Variants in SLC4A5 observed in about 807,000 individuals in gnomAD.
SLC4A5 encodes the protein solute carrier family 4 member 5, also known as electrogenic sodium bicarbonate cotransporter 4.
A neutral mutation model predicts 120.4 loss-of-function variants in SLC4A5; 96 were observed. The ratio of observed to expected loss-of-function variants is 0.80; its 90% CI spans 0.68 to 0.94. The LOEUF is 0.94. SLC4A5 is among the 40% of genes least tolerant of loss of function. The pLI is 0.00. For synonymous variants in SLC4A5, 550 were observed against 571.1 expected, an observed-to-expected ratio of 0.96 and a Z score of 0.53; for missense variants, 1,259 against 1,459.5, an observed-to-expected ratio of 0.86 and a Z score of 2.24.
chr2:74,324,217 T>C (rs1340801447), intron 5 of SLC4A5, among the ~76,000 whole-genome samples: 1 of 152,196 alleles, frequency 6.6e-6, no homozygotes, highest in East Asian at 1.9e-4. Flanking sequence ...TTTAAGGCAG[T>C]GGTTCTCAAA....
chr2:74,280,234 C>G (rs1573056571), intron 8 of SLC4A5, among the ~76,000 whole-genome samples: 2 of 152,126 alleles, frequency 1.3e-5, no homozygotes, highest in Admixed American at 6.5e-5. Flanking sequence ...CCTCTTCCCC[C>G]TTCCCTACCC....
intron 21 of SLC4A5, among the ~76,000 whole-genome samples, chr2:74,238,624 CT>C (rs2103939441): frequency 6.6e-6 from 1 of 152,208 alleles, no homozygotes; most frequent in East Asian, 1.9e-4. Flanking sequence ...AAAGAATAGT[CT>C]TTAAAAAATA....
At chr2:74,327,644 T>C (rs943159926) in intron 5 of SLC4A5, among the ~76,000 whole-genome samples, 2 of 152,230 alleles carry the variant, frequency 1.3e-5, no homozygotes, top group Non-Finnish European at 2.9e-5. Context: ...TTATTCTGTT[T>C]CTATCCTGAG....
intron 19 of SLC4A5, 145 bp downstream of exon 19, chr2:74,246,891 C>A: frequency 9.2e-7 from 1 of 1,091,024 alleles, no homozygotes; most frequent in Non-Finnish European, 1.3e-6. Flanking sequence ...ACACTGGGTT[C>A]AAGACCCTGT....
At chr2:74,217,410 CAAAT>C (rs1050791746) in exon 31 of SLC4A5, 8 of 152,038 alleles carry the variant, frequency 5.3e-5, no homozygotes, top group African/African-American at 1.9e-4. Context: ...TTTATCTTCC[CAAAT>C]AGTTTTCAAT....
intron 7 of SLC4A5, among the ~76,000 whole-genome samples, chr2:74,293,276 G>C (rs1558899104): frequency 6.6e-6 from 1 of 152,198 alleles, no homozygotes; most frequent in Admixed American, 6.5e-5. Context: ...GAGAGGAAGA[G>C]GAGAGAATCT....
intron 28 of SLC4A5, 94 bp from the exon 29 acceptor site, chr2:74,223,046 C>T: frequency 4.9e-6 from 4 of 812,140 alleles, no homozygotes; most frequent in Non-Finnish European, 5.7e-6. Context: ...GCTCTACTGC[C>T]CAGGCTGGAG....
At chr2:74,243,106 T>A (rs1396268768) in intron 19 of SLC4A5, among the ~76,000 whole-genome samples, 4 of 152,174 alleles carry the variant, frequency 2.6e-5, no homozygotes, top group Non-Finnish European at 4.4e-5. Flanking sequence ...TCTCAGCGGC[T>A]CTCTCTGCAT....
chr2:74,329,677 G>GA (rs1673304501), intron 4 of SLC4A5, among the ~76,000 whole-genome samples: 1 of 151,824 alleles, frequency 6.6e-6, no homozygotes, highest in African/African-American at 2.4e-5. Flanking sequence ...TGTAGACAGA[G>GA]ATGATGAGGT....
At chr2:74,286,365 T>C (rs887720445) in intron 7 of SLC4A5, among the ~76,000 whole-genome samples, 5 of 152,192 alleles carry the variant, frequency 3.3e-5, no homozygotes, top group Non-Finnish European at 7.3e-5. Context: ...GTGGGCCCAC[T>C]TTCTTCCTGG....
chr2:74,224,183 T>G (rs936609526), intron 28 of SLC4A5, among the ~76,000 whole-genome samples: 11 of 152,312 alleles, frequency 7.2e-5, no homozygotes, highest in African/African-American at 2.2e-4. Flanking sequence ...TGTTTTGTGA[T>G]TCACTATAAT....
exon 23 of SLC4A5, chr2:74,233,431 T>A (rs754029283): frequency 1.5e-5 from 24 of 1,614,116 alleles, no homozygotes; most frequent in Non-Finnish European, 1.0e-5. Context: ...CGGTTGACAA[T>A]GACGGCAGTG....
intron 5 of SLC4A5, among the ~76,000 whole-genome samples, chr2:74,323,580 G>C (rs1673145328): frequency 6.6e-6 from 1 of 152,034 alleles, no homozygotes; most frequent in Non-Finnish European, 1.5e-5. Context: ...GAGCCACTCA[G>C]GGAAAAAATG....
intron 10 of SLC4A5, among the ~76,000 whole-genome samples, chr2:74,262,673 TG>T (rs1671178929): frequency 6.7e-6 from 1 of 150,320 alleles, no homozygotes; most frequent in Non-Finnish European, 1.5e-5. Context: ...CACTCCAGCC[TG>T]GGTGACAGAG....
At chr2:74,236,316 A>G (rs1344088634) in intron 21 of SLC4A5, among the ~76,000 whole-genome samples, 2 of 152,234 alleles carry the variant, frequency 1.3e-5, no homozygotes, top group Non-Finnish European at 2.9e-5. Context: ...AATCTTTGAT[A>G]GTTAATTTTA....
chr2:74,231,156 G>C, intron 25 of SLC4A5, 80 bp downstream of exon 25: 1 of 1,377,826 alleles, frequency 7.3e-7, no homozygotes, highest in Non-Finnish European at 1.0e-6. Context: ...CCCTAGCCAT[G>C]TGGGGACCCC....
At position 74,229,116 on chromosome 2, in the gene SLC4A5, T is replaced by TTTTTTTTTTTTTTTTTG. The variant is rs1553451209; in HGVS notation, c.2848-1239_2848-1238insCAAAAAAAAAAAAAAAA. Among the ~76,000 whole-genome samples, 99 of 136,518 alleles carry TTTTTTTTTTTTTTTTTG rather than the reference T, an allele frequency of 7.3e-4. 3 individuals carry two copies. Among genetic ancestry groups the TTTTTTTTTTTTTTTTTG allele is most frequent in the East Asian group, 2.0e-3 (8 of 3,928 alleles). The allele number at this position is 136,518 out of a possible 152,430, so 89.6% of individuals were successfully genotyped here. A position where few individuals can be genotyped will look rare whatever the true frequency, so the allele number is the denominator to read the frequency against. On this transcript the variant is annotated intron_variant, in intron 25 of 30. Transcript: ENST00000394019. Reference sequence around the variant, plus strand: ...TCTTAGATTTGAGCTTTTTTTTTTTTCTTGAGACAGAGTCTCGATATGTTG... The same window carrying TTTTTTTTTTTTTTTTTG: ...TCTTAGATTTGAGCTTTTTTTTTTTTTTTTTTTTTTTTTTTTGCTTGAGACAGAGTCTCGATATGTTG...
chr2:74,328,997 T>TGAAGACCTC (rs1673285135), intron 4 of SLC4A5, among the ~76,000 whole-genome samples: 1 of 152,102 alleles, frequency 6.6e-6, no homozygotes, highest in South Asian at 2.1e-4. Flanking sequence ...TCAAAGACCT[T>TGAAGACCTC]GAAGACCTCT....
intron 28 of SLC4A5, 38 bp from the exon 29 acceptor site, chr2:74,222,990 C>T: frequency 7.1e-7 from 1 of 1,401,284 alleles, no homozygotes; most frequent in South Asian, 1.3e-5. Context: ...TAAACACCAA[C>T]ACAACAATTT....
Sources: allele counts gnomAD v4.1 joint callset (sites outside exome capture counted in the v4.1 genomes callset), GRCh38; gene constraint gnomAD v4.1.1; transcripts MANE v1.5; gene names NCBI Gene and HGNC (gene_info 2026-07-23, HGNC 2026-07-21).